TMEM68: variants seen among roughly 807,000 people sequenced by gnomAD.
TMEM68 encodes the protein DGAT1/2-independent enzyme synthesizing storage lipids.
Under a neutral mutation model 36.9 loss-of-function variants are expected in TMEM68, and 25 were observed. That is an observed-to-expected ratio of 0.68 (90% CI 0.49 to 0.95). The LOEUF is 0.95. TMEM68 is among the 40% of genes least tolerant of loss of function. The probability of loss-of-function intolerance (pLI) is 0.00; values close to 1 mark genes in which losing one functional copy is unlikely to be tolerated. For missense variants in TMEM68, 333 were observed against 392.0 expected, an observed-to-expected ratio of 0.85 and a Z score of 1.27; for synonymous variants, 131 against 124.4, an observed-to-expected ratio of 1.05 and a Z score of -0.35.
Position 55,751,165 on chromosome 8 carries a change from A to T in TMEM68, c.494-8T>A. 7.0e-6 allele frequency: 11 copies of T among 1,580,760 alleles called. No homozygotes were observed. Among genetic ancestry groups the T allele is most frequent in the South Asian group, 1.2e-5 (1 of 85,944 alleles). ...CCAGTAATAAACTAAACCCTGTAAG[A>T]AACATGAGTATGAAGTTACAACATA... is the stretch of plus-strand genomic sequence containing the variant. On this transcript the variant is annotated splice_polypyrimidine_tract_variant and splice_region_variant and intron_variant, in intron 4 of 7. Transcript: ENST00000434581.
In TMEM68 at chr8:55,773,359, A is replaced by T. The variant is rs1811259996; in HGVS notation, c.-205T>A. 2.6e-6 allele frequency: 1 copy of T among 387,396 alleles called. No homozygotes were observed. Among genetic ancestry groups the T allele is most frequent in the Admixed American group, 4.8e-5 (1 of 20,844 alleles). The allele number at this position is 387,396 out of a possible 1,614,324, so 24.0% of individuals were successfully genotyped here. A position where few individuals can be genotyped will look rare whatever the true frequency, so the allele number is the denominator to read the frequency against. On this transcript the variant is annotated 5_prime_UTR_variant, in exon 1 of 8. Transcript: ENST00000434581. ...GGATTCCTCCGAAGCAACCCGTGTG[A>T]AAGAAGCCAAGCGGCGGCTGCAGCC...
intron 4 of TMEM68, among the ~76,000 whole-genome samples, chr8:55,755,270 C>CTT (rs967473921): frequency 5.6e-5 from 8 of 143,620 alleles, no homozygotes; most frequent in Non-Finnish European, 4.6e-5. Context: ...CAAAATATAT[C>CTT]TTTTTTTTTT....
At chr8:55,768,005 G>A (rs1811028041) in intron 1 of TMEM68, among the ~76,000 whole-genome samples, 2 of 152,260 alleles carry the variant, frequency 1.3e-5, no homozygotes, top group South Asian at 4.1e-4. Flanking sequence ...GGAAGACAAT[G>A]GCAAGCCAGC....
At position 55,758,729 on chromosome 8, in the gene TMEM68, C is replaced by T. The variant is rs1810683749; in HGVS notation, c.326-2318G>A. ...GCTGAGGTGGGATGATTGCTTGAGC[C>T]CAGAAGTTGAAAGCTGTAGTGAGCT... On this transcript the variant is annotated intron_variant, in intron 3 of 7. Coordinates refer to ENST00000434581, the MANE Select transcript of TMEM68 (RefSeq NM_001286657.2). Among the ~76,000 whole-genome samples, 3 of 152,252 alleles carry T rather than the reference C, an allele frequency of 2.0e-5. No homozygotes were observed. The South Asian group carries it at 6.2e-4, about 32-fold the overall frequency.
intron 7 of TMEM68, among the ~76,000 whole-genome samples, chr8:55,741,405 T>C (rs778682168): frequency 6.6e-6 from 1 of 152,242 alleles, no homozygotes; most frequent in Non-Finnish European, 1.5e-5. Context: ...AGTGTATCTC[T>C]AGAATTTTAT....
chr8:55,754,736 TTA>T (rs527365588), intron 4 of TMEM68, among the ~76,000 whole-genome samples: 10,537 of 122,880 alleles, frequency 0.086, 991 homozygotes, highest in African/African-American at 0.2. Context: ...AAATACATAC[TTA>T]TATATATATT....
chr8:55,756,539 C>A, intron 3 of TMEM68, 128 bp from the exon 4 acceptor site: 1 of 775,056 alleles, frequency 1.3e-6, no homozygotes. Flanking sequence ...CCCCTTTCCC[C>A]CTTCTTCCCT....
intron 1 of TMEM68, among the ~76,000 whole-genome samples, chr8:55,769,573 T>C (rs1189390272): frequency 6.6e-6 from 1 of 152,110 alleles, no homozygotes; most frequent in Non-Finnish European, 1.5e-5. Context: ...ACACTTACTT[T>C]CTGGCACATA....
chr8:55,749,030 TTATCTC>T (rs150140545), intron 5 of TMEM68, among the ~76,000 whole-genome samples: 6 of 152,334 alleles, frequency 3.9e-5, no homozygotes, highest in Non-Finnish European at 8.8e-5. Flanking sequence ...TAAATAATAA[TTATCTC>T]TATCTCAAAG....
intron 1 of TMEM68, among the ~76,000 whole-genome samples, chr8:55,771,248 T>TG (rs1455433109): frequency 6.6e-6 from 1 of 152,116 alleles, no homozygotes; most frequent in Non-Finnish European, 1.5e-5. Flanking sequence ...TCAGAGTATT[T>TG]CAAAAACTAA....
At chr8:55,770,730 T>C (rs1346887613) in intron 1 of TMEM68, among the ~76,000 whole-genome samples, 3 of 152,188 alleles carry the variant, frequency 2.0e-5, no homozygotes, top group Admixed American at 1.3e-4. Flanking sequence ...AAATACAATA[T>C]TTTAGTTCTC....
chr8:55,762,850 T>A lies in TMEM68; in HGVS notation c.110A>T (p.Tyr37Phe), dbSNP rs192481561. ...CAAGAGATAGTTTGCAAAATTCAAATAGTCCTCCAACTGCTCCACACCAAA... is the reference window on the plus strand; with the variant it reads ...CAAGAGATAGTTTGCAAAATTCAAAAAGTCCTCCAACTGCTCCACACCAAA... ...EWFGVEQLED[Y>F]LNFANYLLWV... The change falls in exon 3 of 8, where the codon TAT becomes TTT. Residue 37 changes from tyrosine (Y) to phenylalanine (F), a missense_variant. Tyr to Phe is a conservative substitution (Grantham distance 22). Coordinates refer to ENST00000434581, the MANE Select transcript of TMEM68 (RefSeq NM_001286657.2). 47 of 1,614,174 alleles carry A rather than the reference T, an allele frequency of 2.9e-5. 1 individual carries two copies. The East Asian group carries it at 9.4e-4, about 32-fold the overall frequency.
At chr8:55,751,357 C>T (rs891671182) in intron 4 of TMEM68, 200 bp from the exon 5 acceptor site, 153 of 533,866 alleles carry the variant, frequency 2.9e-4, no homozygotes, top group Non-Finnish European at 2.9e-5. Context: ...AAGTAAAACT[C>T]ACAACAATCT....
At chr8:55,752,501 T>C (rs1220633456) in intron 4 of TMEM68, among the ~76,000 whole-genome samples, 4 of 151,786 alleles carry the variant, frequency 2.6e-5, no homozygotes, top group South Asian at 4.2e-4. Flanking sequence ...GCAGGGAGAA[T>C]TGCTTTAACC....
chr8:55,769,018 T>TAAAAAAAAA (rs200493179), intron 1 of TMEM68, among the ~76,000 whole-genome samples: 24 of 82,088 alleles, frequency 2.9e-4, no homozygotes, highest in African/African-American at 1.2e-3. Context: ...ACTCTGTCTT[T>TAAAAAAAAA]AAAAAAAAAA....
intron 5 of TMEM68, 113 bp from the exon 6 acceptor site, chr8:55,745,234 G>T (rs1395474516): frequency 3.5e-6 from 2 of 577,306 alleles, no homozygotes. Context: ...AGGCACCTAT[G>T]GCCATGCCAC....
chr8:55,769,081 T>G (rs1205208522), intron 1 of TMEM68, among the ~76,000 whole-genome samples: 3 of 147,526 alleles, frequency 2.0e-5, no homozygotes, highest in Non-Finnish European at 4.5e-5. Flanking sequence ...TCCCAGCACT[T>G]TGGGAGGCCA....
At chr8:55,745,607 A>G (rs1810247050) in intron 5 of TMEM68, 1 of 152,282 alleles carries the variant, frequency 6.6e-6, no homozygotes, top group Non-Finnish European at 1.5e-5. Context: ...TTCACTAAAT[A>G]AAATGAATGT....
At chr8:55,754,372 A>C (rs1810506690) in intron 4 of TMEM68, among the ~76,000 whole-genome samples, 1 of 147,366 alleles carries the variant, frequency 6.8e-6, no homozygotes, top group Non-Finnish European at 1.5e-5. Context: ...AGGTACGAGA[A>C]TCAGAGGTTG....
Sources: allele counts gnomAD v4.1 joint callset (sites outside exome capture counted in the v4.1 genomes callset), GRCh38; gene constraint gnomAD v4.1.1; transcripts MANE v1.5; gene names NCBI Gene and HGNC (gene_info 2026-07-23, HGNC 2026-07-21).